The following POLR2B variants were observed in gnomAD, a reference collection of about 807,000 sequenced individuals.
POLR2B encodes DNA-directed RNA polymerase II subunit RPB2.
A neutral mutation model predicts 144.6 loss-of-function variants in POLR2B; 57 were observed. The observed-to-expected ratio is 0.39, with a 90% CI of 0.32 to 0.49. The LOEUF is 0.49. POLR2B is among the 20% of genes least tolerant of loss of function. The probability of loss-of-function intolerance (pLI) is 0.83; values close to 1 mark genes in which losing one functional copy is unlikely to be tolerated. For missense variants in POLR2B, 595 were observed against 1,467.4 expected, an observed-to-expected ratio of 0.41 and a Z score of 9.71; for synonymous variants, 442 against 469.8, an observed-to-expected ratio of 0.94 and a Z score of 0.77.
rs375114461 is a variant in POLR2B at position 56,994,659 on chromosome 4, G to A, written c.369G>A (p.Pro123=). 1.4e-5 allele frequency: 22 copies of A among 1,606,800 alleles called. No individual in the cohort carries two copies. In the East Asian group the frequency reaches 2.2e-4, roughly 16 times the overall value. Residue 123 remains proline, a synonymous_variant, in exon 5 of 25, where the codon CCG becomes CCA. Coordinates refer to ENST00000314595, the MANE Select transcript of POLR2B (RefSeq NM_000938.3). ...TTTATTTTCAAAGGTATTCTGCTCC[G>A]CTTTATGTTGATATAACAAAAACAG... ...ARLRNLTYSA[P]LYVDITKTVI...
In POLR2B at chr4:57,031,142, A is replaced by C. The variant is rs1723909041; in HGVS notation, c.*154A>C. 2.8e-6 allele frequency: 2 copies of C among 718,726 alleles called. No individual in the cohort carries two copies. The highest frequency in any genetic ancestry group is 4.8e-6 in the Non-Finnish European group (2 of 420,380). 44.5% of individuals were successfully genotyped at this position (718,726 alleles called of 1,614,324 possible). A position where few individuals can be genotyped will look rare whatever the true frequency, so the allele number is the denominator to read the frequency against. On this transcript the variant is annotated 3_prime_UTR_variant, in exon 25 of 25. Transcript: ENST00000314595. ...GCTTTTCTTCTGTAAATATATAATAAATTTTTGTAGATAGTCTTGATGTGT... is the reference window on the plus strand; with the variant it reads ...GCTTTTCTTCTGTAAATATATAATACATTTTTGTAGATAGTCTTGATGTGT...
intron 23 of POLR2B, among the ~76,000 whole-genome samples, chr4:57,026,437 G>A (rs1723722514): frequency 6.6e-6 from 1 of 152,078 alleles, no homozygotes; most frequent in Non-Finnish European, 1.5e-5. Context: ...ATTTTTCAGT[G>A]TATATCTTTA....
chr4:57,020,320 C>T (rs1228146468), intron 16 of POLR2B, among the ~76,000 whole-genome samples: 1 of 152,192 alleles, frequency 6.6e-6, no homozygotes, highest in Non-Finnish European at 1.5e-5. Flanking sequence ...GCGTGAGCCA[C>T]CATGCCCGAC....
chr4:57,023,798 A>ATT lies in POLR2B; in HGVS notation c.2856+56_2856+57dup. ...CATGCCCAAACCAGTTTTGTTAAAT[A>ATT]TTTTTTTTTTAATCAAAATTTGCTT... On this transcript the variant is annotated intron_variant, in intron 20 of 24. Transcript: ENST00000314595. This position sits in a 1 kb window ranked among gnomAD's most constrained non-coding sequence, Gnocchi z 4.3. 1.6e-6 allele frequency: 2 copies of ATT among 1,220,802 alleles called. No homozygotes were observed. The highest frequency in any genetic ancestry group is 1.5e-5 in the South Asian group (1 of 68,688). 75.6% of individuals were successfully genotyped at this position (1,220,802 alleles called of 1,614,324 possible). A position where few individuals can be genotyped will look rare whatever the true frequency, so the allele number is the denominator to read the frequency against.
chr4:57,014,053 T>C (rs1723286416), intron 13 of POLR2B, among the ~76,000 whole-genome samples: 1 of 152,220 alleles, frequency 6.6e-6, no homozygotes, highest in African/African-American at 2.4e-5. Context: ...GAATCTTTCT[T>C]GGACTTTAGA....
intron 1 of POLR2B, among the ~76,000 whole-genome samples, chr4:56,983,835 A>T (rs1403457283): frequency 6.7e-6 from 1 of 148,960 alleles, no homozygotes; most frequent in Non-Finnish European, 1.5e-5. Context: ...GTCTTCCCTA[A>T]CCTTTTCAGA....
chr4:57,001,859 A>G (rs1221220417), intron 7 of POLR2B, among the ~76,000 whole-genome samples: 1 of 152,228 alleles, frequency 6.6e-6, no homozygotes, highest in African/African-American at 2.4e-5. Flanking sequence ...TAAATTGTCC[A>G]GAGCGCTTAA....
At chr4:57,009,353 G>GT (rs1723120062) in intron 10 of POLR2B, among the ~76,000 whole-genome samples, 1 of 152,174 alleles carries the variant, frequency 6.6e-6, no homozygotes, top group African/African-American at 2.4e-5. Context: ...TGTCAGTGGA[G>GT]TACAGGAGTG....
chr4:57,010,371 G>A lies in POLR2B; in HGVS notation c.1415G>A (p.Arg472His), dbSNP rs1208667306. The change falls in exon 11 of 25, where the codon CGC becomes CAC. Residue 472 changes from arginine to histidine, a missense_variant. Physicochemically the swap from Arg to His is conservative, Grantham distance 29 (BLOSUM62 0). Coordinates refer to ENST00000314595, the MANE Select transcript of POLR2B (RefSeq NM_000938.3). ...GCTATTTTTTTCTAGGTGTTAAACC[G>A]CCTGACTTTTGCGTCTACTCTTTCT... ...ARAGVSQVLN[R>H]LTFASTLSHL... 2 of 1,613,622 alleles carry A rather than the reference G, an allele frequency of 1.2e-6. No individual in the cohort carries two copies.
chr4:56,986,184 CAT>C lies in POLR2B; in HGVS notation c.20-168_20-167del. 9 of 676,818 alleles carry C rather than the reference CAT, an allele frequency of 1.3e-5. No individual in the cohort carries two copies. The South Asian group carries it at 1.4e-4, about 11-fold the overall frequency. 41.9% of individuals were successfully genotyped at this position (676,818 alleles called of 1,614,324 possible). ...TTATATTGGAAGAATACCTGTGTGA[CAT>C]AGACATAAATTATTTTATTAATGTA... On this transcript the variant is annotated intron_variant, in intron 1 of 24. Coordinates refer to ENST00000314595, the MANE Select transcript of POLR2B (RefSeq NM_000938.3).
At chr4:57,010,959 G>A (rs371499430) in intron 12 of POLR2B, 30 bp from the exon 13 acceptor site, 96 of 1,600,214 alleles carry the variant, frequency 6.0e-5, no homozygotes, top group Non-Finnish European at 7.9e-5. Flanking sequence ...GAATTGTTAA[G>A]TGTAAAATGC....
intron 10 of POLR2B, among the ~76,000 whole-genome samples, chr4:57,007,662 A>T (rs935051999): frequency 3.3e-5 from 5 of 152,348 alleles, no homozygotes; most frequent in South Asian, 2.1e-4. Flanking sequence ...TTGTTGGAAA[A>T]TACAGTACTT....
chr4:57,010,601 A>T (rs1162173601), intron 11 of POLR2B, 97 bp downstream of exon 11: 24 of 1,386,222 alleles, frequency 1.7e-5, no homozygotes, highest in Non-Finnish European at 2.4e-5. Context: ...AATTATGCAG[A>T]GTGGTTTAGA....
At chr4:57,001,548 A>T (rs1413800811) in intron 7 of POLR2B, among the ~76,000 whole-genome samples, 1 of 152,242 alleles carries the variant, frequency 6.6e-6, no homozygotes, top group Non-Finnish European at 1.5e-5. Context: ...TGTTTTTCAC[A>T]TATTTCCCCA....
intron 6 of POLR2B, 148 bp from the exon 7 acceptor site, chr4:56,999,469 G>A (rs894660697): frequency 8.3e-5 from 39 of 471,486 alleles, no homozygotes; most frequent in African/African-American, 5.9e-4. Flanking sequence ...TTGAAAAGCA[G>A]TCATAGGAGG....
In POLR2B at chr4:57,017,389, T is replaced by C. The variant is rs1475562872; in HGVS notation, c.2154+148T>C. ...GAATCAGTATTTGATATAATTGCTGTTGTGTTTCATGGTTAAGAGCCGTAA... is the reference window on the plus strand; with the variant it reads ...GAATCAGTATTTGATATAATTGCTGCTGTGTTTCATGGTTAAGAGCCGTAA... On this transcript the variant is annotated intron_variant, in intron 15 of 24. Transcript: ENST00000314595. The surrounding 1 kb of genome is among the most constrained non-coding windows in gnomAD (Gnocchi z 4.8). 3.8e-6 allele frequency: 3 copies of C among 793,308 alleles called. No individual in the cohort carries two copies. Among genetic ancestry groups the C allele is most frequent in the Non-Finnish European group, 6.2e-6 (3 of 487,126 alleles). The allele number at this position is 793,308 out of a possible 1,614,324, so 49.1% of individuals were successfully genotyped here. A position where few individuals can be genotyped will look rare whatever the true frequency, so the allele number is the denominator to read the frequency against.
intron 24 of POLR2B, chr4:57,030,647 A>G: frequency 1.8e-6 from 1 of 547,370 alleles, no homozygotes. Flanking sequence ...TGTACAAGGG[A>G]TTTTAAACAA....
intron 21 of POLR2B, 86 bp from the exon 22 acceptor site, chr4:57,024,800 A>T (rs1723662836): frequency 4.4e-6 from 3 of 682,704 alleles, no homozygotes; most frequent in Admixed American, 2.7e-5. Context: ...GTATTTAAAA[A>T]TTTTTTGAAT....
At position 57,023,847 on chromosome 4, in the gene POLR2B, A is replaced by G; in HGVS notation, c.2856+96A>G. ...TTTAACTTAAGAGCTCAAAGATGAT[A>G]CAGGTTGAACTTTTTGATTTTATTG... On this transcript the variant is annotated intron_variant, in intron 20 of 24. Transcript: ENST00000314595. The surrounding 1 kb of genome is among the most constrained non-coding windows in gnomAD (Gnocchi z 4.3). 1.1e-6 allele frequency: 1 copy of G among 881,622 alleles called. No individual in the cohort carries two copies. Among genetic ancestry groups the G allele is most frequent in the Non-Finnish European group, 1.8e-6 (1 of 561,948 alleles). 54.6% of individuals were successfully genotyped at this position (881,622 alleles called of 1,614,324 possible).
Sources: gnomAD v4.1 joint callset for allele counts (sites outside exome capture counted in the v4.1 genomes callset) on GRCh38, gnomAD v4.1.1 for gene constraint, Gnocchi (gnomAD v3.1) non-coding constraint, MANE v1.5 for transcripts, NCBI Gene and HGNC (gene_info 2026-07-23, HGNC 2026-07-21) for gene names.